PUM2: variants seen among roughly 807,000 people sequenced by gnomAD.
PUM2 encodes the protein pumilio homolog 2.
In PUM2, 57 loss-of-function variants were observed where a neutral mutation model predicts 124.5. The observed-to-expected ratio is 0.46, with a 90% CI of 0.37 to 0.57. PUM2 has a LOEUF of 0.57. Ranked by LOEUF, PUM2 falls within the 20% of genes least tolerant of loss-of-function variation. The probability of loss-of-function intolerance (pLI) is 0.00; values close to 1 mark genes in which losing one functional copy is unlikely to be tolerated. For synonymous variants in PUM2, 460 were observed against 446.1 expected, an observed-to-expected ratio of 1.03 and a Z score of -0.39; for missense variants, 1,065 against 1,290.6, an observed-to-expected ratio of 0.83 and a Z score of 2.68.
intron 5 of PUM2, among the ~76,000 whole-genome samples, chr2:20,309,968 C>CT: frequency 6.6e-6 from 1 of 151,994 alleles, no homozygotes; most frequent in East Asian, 1.9e-4. Flanking sequence ...CCCAAAGGCT[C>CT]TTTTTTCATT....
intron 8 of PUM2, 90 bp from the exon 9 acceptor site, chr2:20,294,608 G>T: frequency 7.3e-7 from 1 of 1,364,110 alleles, no homozygotes. Flanking sequence ...ATAAAAGGGG[G>T]CAGGAAGAAG....
intron 13 of PUM2, among the ~76,000 whole-genome samples, chr2:20,273,682 T>C (rs962775192): frequency 1.2e-4 from 19 of 152,166 alleles, no homozygotes; most frequent in African/African-American, 4.6e-4. Flanking sequence ...GTTGTAGCTG[T>C]TTTTCAATTT....
At chr2:20,352,174 G>T (rs1260943612), upstream of PUM2, 1 of 152,078 alleles carries the variant, frequency 6.6e-6, no homozygotes, top group African/African-American at 2.4e-5. Flanking sequence ...ACCAAGCCTC[G>T]CAGATTTTTA....
chr2:20,264,328 C>G (rs1481219769), intron 13 of PUM2, among the ~76,000 whole-genome samples: 4 of 81,942 alleles, frequency 4.9e-5, no homozygotes, highest in African/African-American at 2.0e-4. Flanking sequence ...CACAGCAACA[C>G]TCTGTCTCAA....
At position 20,254,901 on chromosome 2, in the gene PUM2, CCT is replaced by C; in HGVS notation, c.2830_2831del (p.Arg944GlyfsTer27). The part of the protein sequence containing the change: ...EDKSKIVSEI[R>X]GKVLALSQHK... The stretch of plus-strand genomic sequence containing the variant: ...GTTGACTCAGGGCTAAAACCTTTCC[CCT>C]GATTTCGGAAACAATTTTGCTCTTG... On this transcript the variant is annotated frameshift_variant, in exon 19 of 21. Coordinates refer to ENST00000361078, the MANE Select transcript of PUM2 (RefSeq NM_015317.5). LOFTEE classifies it high-confidence loss of function. 1.2e-6 allele frequency: 2 copies of C among 1,613,984 alleles called. No homozygotes were observed. Among genetic ancestry groups the C allele is most frequent in the Non-Finnish European group, 1.7e-6 (2 of 1,179,942 alleles).
chr2:20,290,513 T>G (rs1478980327), intron 10 of PUM2, 139 bp downstream of exon 10: 1 of 817,628 alleles, frequency 1.2e-6, no homozygotes, highest in Non-Finnish European at 1.8e-6. Context: ...TTTCAATTAT[T>G]AGCATCTGAG....
intron 12 of PUM2, 113 bp from the exon 13 acceptor site, chr2:20,278,932 C>T: frequency 1.3e-6 from 1 of 786,932 alleles, no homozygotes; most frequent in East Asian, 2.5e-5. Flanking sequence ...TTTTTAGAAA[C>T]ATTTTGGAGA....
intron 15 of PUM2, among the ~76,000 whole-genome samples, chr2:20,258,687 G>T: frequency 8.4e-6 from 1 of 119,214 alleles, no homozygotes. Flanking sequence ...TTGAGACGGA[G>T]TCTCGCTCTG....
chr2:20,283,379 T>C lies in PUM2; in HGVS notation c.1399A>G (p.Thr467Ala). The C allele has an allele frequency of 4.3e-6, 7 of 1,614,140 alleles. No homozygotes were observed. Among genetic ancestry groups the C allele is most frequent in the Non-Finnish European group, 5.9e-6 (7 of 1,180,026 alleles). The change falls in exon 11 of 21, where the codon ACA becomes GCA. Residue 467 changes from threonine to alanine, a missense_variant. Transcript: ENST00000361078. ...LGAPVRLMAP[T>A]PVLISSAAAQ... ...GCTGCTGAACTAATTAAAACAGGTGTTGGAGCCATTAACCGAACTGGAGCT... is the reference window on the plus strand; with the variant it reads ...GCTGCTGAACTAATTAAAACAGGTGCTGGAGCCATTAACCGAACTGGAGCT...
chr2:20,342,372 G>A (rs1687400048), intron 1 of PUM2, among the ~76,000 whole-genome samples: 1 of 152,132 alleles, frequency 6.6e-6, no homozygotes, highest in Non-Finnish European at 1.5e-5. Context: ...GCACCCACTT[G>A]CTCCTTTGCA....
chr2:20,351,220 C>T (rs1019846975), upstream of PUM2, among the ~76,000 whole-genome samples: 1 of 152,192 alleles, frequency 6.6e-6, no homozygotes, highest in African/African-American at 2.4e-5. Context: ...ACTGGGTGTG[C>T]GGGTGTCTGC....
At chr2:20,350,354 G>A (rs1252490174) in intron 1 of PUM2, 22 of 618,030 alleles carry the variant, frequency 3.6e-5, no homozygotes, top group East Asian at 2.8e-4. Context: ...GCCCCGCAGA[G>A]GGAAGGAAGC....
In PUM2 at chr2:20,250,610, G is replaced by A. The variant is rs1307173129; in HGVS notation, c.*975C>T. On this transcript the variant is annotated 3_prime_UTR_variant, in exon 21 of 21. Coordinates refer to ENST00000361078, the MANE Select transcript of PUM2 (RefSeq NM_015317.5). ...AAAGCAAAAAGAGCTATCTGAATATGTAATCATGCTTAAATGCTGAGCTAT... is the reference window on the plus strand; with the variant it reads ...AAAGCAAAAAGAGCTATCTGAATATATAATCATGCTTAAATGCTGAGCTAT... 1 of 152,158 alleles carries A rather than the reference G, an allele frequency of 6.6e-6. No individual in the cohort carries two copies. Among genetic ancestry groups the A allele is most frequent in the East Asian group, 1.9e-4 (1 of 5,194 alleles). The allele number at this position is 152,158 out of a possible 1,614,324, so 9.4% of individuals were successfully genotyped here.
intron 5 of PUM2, among the ~76,000 whole-genome samples, chr2:20,310,931 A>C (rs1477147793): frequency 2.6e-5 from 4 of 152,102 alleles, no homozygotes; most frequent in African/African-American, 9.6e-5. Flanking sequence ...ACAATGTAAA[A>C]AATTATGAGC....
In PUM2 at chr2:20,312,579, A is replaced by G. The variant is rs138095838; in HGVS notation, c.161-156T>C. Among the ~76,000 whole-genome samples the G allele has an allele frequency of 7.0e-3, 1,064 of 152,338 alleles. 11 individuals carry two copies. The highest frequency in any genetic ancestry group is 0.024 in the African/African-American group (979 of 41,572). On this transcript the variant is annotated intron_variant, in intron 3 of 20. Coordinates refer to ENST00000361078, the MANE Select transcript of PUM2 (RefSeq NM_015317.5). ...ATAAAGCTCTTCATAGGACACAAAC[A>G]AATGGAAGAACATTCCATGCTCATA...
intron 2 of PUM2, among the ~76,000 whole-genome samples, chr2:20,324,189 ATTATTT>A (rs1267821635): frequency 7.9e-5 from 12 of 152,142 alleles, no homozygotes; most frequent in Non-Finnish European, 1.8e-4. Flanking sequence ...TATTCTTATT[ATTATTT>A]TTAAAGTCAG....
At chr2:20,260,220 C>T in intron 15 of PUM2, 117 bp downstream of exon 15, 1 of 1,125,276 alleles carries the variant, frequency 8.9e-7, no homozygotes, top group Non-Finnish European at 1.2e-6. Flanking sequence ...ATATCTTATC[C>T]CTGGCTTATT....
At chr2:20,337,320 T>C (rs771184547) in intron 1 of PUM2, among the ~76,000 whole-genome samples, 1 of 152,242 alleles carries the variant, frequency 6.6e-6, no homozygotes, top group African/African-American at 2.4e-5. Flanking sequence ...GTTTGTTTTT[T>C]GTAAGTCCTC....
At chr2:20,321,647 G>T (rs573302979) in intron 2 of PUM2, among the ~76,000 whole-genome samples, 1 of 152,220 alleles carries the variant, frequency 6.6e-6, no homozygotes, top group East Asian at 1.9e-4. Flanking sequence ...AAAAAAAAAG[G>T]TTAAACAATG....
Sources: gnomAD v4.1 joint callset for allele counts (sites outside exome capture counted in the v4.1 genomes callset) on GRCh38, gnomAD v4.1.1 for gene constraint, MANE v1.5 for transcripts, NCBI Gene and HGNC (gene_info 2026-07-23, HGNC 2026-07-21) for gene names.